The following PTPRD variants were observed in gnomAD, a reference collection of about 807,000 sequenced individuals.
PTPRD encodes protein tyrosine phosphatase receptor type D, also known as receptor-type tyrosine-protein phosphatase delta.
Under a neutral mutation model 214.5 loss-of-function variants are expected in PTPRD, and 34 were observed. The ratio of observed to expected loss-of-function variants is 0.16; its 90% CI spans 0.12 to 0.21. PTPRD has a LOEUF of 0.21. Among genes scored for constraint, PTPRD ranks in the 10% least tolerant of loss-of-function variants. PTPRD has a pLI of 1.00. For synonymous variants in PTPRD, 1,128 were observed against 845.7 expected (o/e 1.33, Z -5.79); for missense variants, 2,545 against 2,398.7 (o/e 1.06, Z -1.27).
chr9:9,412,594 C>G (rs1294692467), intron 8 of PTPRD, among the ~76,000 whole-genome samples: 1 of 152,078 alleles, frequency 6.6e-6, no homozygotes, highest in Non-Finnish European at 1.5e-5. Context: ...CCAGTCACTA[C>G]GCGAAGGGGT....
intron 9 of PTPRD, among the ~76,000 whole-genome samples, chr9:9,268,627 T>C (rs1270080369): frequency 4.0e-5 from 6 of 150,872 alleles, no homozygotes; most frequent in African/African-American, 1.5e-4. Context: ...TAAAAACCTA[T>C]AGCAATCAAA....
chr9:8,913,217 G>A (rs147157387), intron 11 of PTPRD, among the ~76,000 whole-genome samples: 123 of 152,086 alleles, frequency 8.1e-4, no homozygotes, highest in Admixed American at 2.6e-3. Flanking sequence ...AATTGGCAAT[G>A]GGATAAAAAA....
intron 10 of PTPRD, among the ~76,000 whole-genome samples, chr9:9,130,637 T>A (rs916864115): frequency 4.6e-5 from 7 of 152,218 alleles, no homozygotes. Context: ...GTGAGGGGAA[T>A]CATTTTAAAG....
At chr9:9,770,157 A>T (rs981581903) in intron 5 of PTPRD, among the ~76,000 whole-genome samples, 1 of 152,194 alleles carries the variant, frequency 6.6e-6, no homozygotes, top group African/African-American at 2.4e-5. Context: ...TGGTACTTCT[A>T]GTTCTAGATC....
At chr9:9,992,882 T>C (rs1237157110) in intron 4 of PTPRD, among the ~76,000 whole-genome samples, 3 of 151,960 alleles carry the variant, frequency 2.0e-5, no homozygotes, top group Admixed American at 6.6e-5. Context: ...CACACCAACA[T>C]GGCACATGTA....
At chr9:8,911,113 A>AATT (rs2098744000) in intron 11 of PTPRD, among the ~76,000 whole-genome samples, 1 of 152,206 alleles carries the variant, frequency 6.6e-6, no homozygotes, top group South Asian at 2.1e-4. Flanking sequence ...GTTTTTGTAC[A>AATT]ATTTTAAAAT....
At chr9:10,031,715 G>T (rs1051431709) in intron 4 of PTPRD, among the ~76,000 whole-genome samples, 1 of 145,646 alleles carries the variant, frequency 6.9e-6, no homozygotes, top group African/African-American at 2.6e-5. Context: ...CTACAAATAC[G>T]TCTTTAAGGA....
At chr9:9,806,425 T>C (rs1192597859) in intron 5 of PTPRD, among the ~76,000 whole-genome samples, 1 of 152,160 alleles carries the variant, frequency 6.6e-6, no homozygotes, top group East Asian at 1.9e-4. Flanking sequence ...TCCTTGTGAA[T>C]GTATTTTGTA....
chr9:10,323,737 C>T (rs12000959), intron 3 of PTPRD, among the ~76,000 whole-genome samples: 44,653 of 151,690 alleles, frequency 0.29, 8,149 homozygotes, highest in African/African-American at 0.51. Context: ...TGCTGAAAGA[C>T]GATTTATGCA....
chr9:9,612,526 G>T (rs754768373), intron 7 of PTPRD, among the ~76,000 whole-genome samples: 2 of 152,136 alleles, frequency 1.3e-5, no homozygotes, highest in Non-Finnish European at 2.9e-5. Flanking sequence ...CAAAATTAAG[G>T]AAGTGGTTTT....
intron 10 of PTPRD, among the ~76,000 whole-genome samples, chr9:9,145,493 C>A (rs898712556): frequency 4.6e-5 from 7 of 152,066 alleles, no homozygotes; most frequent in African/African-American, 1.7e-4. Flanking sequence ...CTGGTCATCA[C>A]AATGCTTTAA....
At chr9:8,930,872 G>C (rs1378431460) in intron 11 of PTPRD, among the ~76,000 whole-genome samples, 1 of 152,118 alleles carries the variant, frequency 6.6e-6, no homozygotes, top group Non-Finnish European at 1.5e-5. Flanking sequence ...CCCTTTGTCA[G>C]ATGAGTAGAT....
At chr9:9,685,584 A>T (rs759829084) in intron 7 of PTPRD, among the ~76,000 whole-genome samples, 27 of 151,540 alleles carry the variant, frequency 1.8e-4, no homozygotes, top group Non-Finnish European at 3.0e-4. Flanking sequence ...CAACCAAATC[A>T]AAATATTCAG....
At chr9:10,194,765 T>A (rs1010350981) in intron 3 of PTPRD, among the ~76,000 whole-genome samples, 1 of 152,090 alleles carries the variant, frequency 6.6e-6, no homozygotes, top group Non-Finnish European at 1.5e-5. Flanking sequence ...ATTTTTCTAG[T>A]TCCATTGATT....
chr9:9,108,121 A>G (rs774171033), intron 10 of PTPRD, among the ~76,000 whole-genome samples: 8 of 152,112 alleles, frequency 5.3e-5, no homozygotes, highest in Non-Finnish European at 1.2e-4. Flanking sequence ...ACGGAATACT[A>G]TTTCCAAGCC....
At chr9:9,003,178 C>T (rs1316485715) in intron 11 of PTPRD, among the ~76,000 whole-genome samples, 3 of 151,924 alleles carry the variant, frequency 2.0e-5, no homozygotes, top group Non-Finnish European at 4.4e-5. Flanking sequence ...GGACTTTGTC[C>T]CAGTACTTTC....
intron 2 of PTPRD, among the ~76,000 whole-genome samples, chr9:10,418,467 A>T (rs1415384480): frequency 6.7e-6 from 1 of 149,488 alleles, no homozygotes; most frequent in Non-Finnish European, 1.5e-5. Flanking sequence ...ACACACACAC[A>T]CACACACACA....
chr9:9,981,418 G>T (rs1418147236), intron 4 of PTPRD, among the ~76,000 whole-genome samples: 2 of 149,404 alleles, frequency 1.3e-5, no homozygotes, highest in African/African-American at 5.0e-5. Flanking sequence ...GCAGTGGCAC[G>T]ATCTCGGCTC....
At chr9:9,499,443 A>G (rs990769696) in intron 8 of PTPRD, among the ~76,000 whole-genome samples, 1 of 152,102 alleles carries the variant, frequency 6.6e-6, no homozygotes, top group East Asian at 1.9e-4. Context: ...TAGTTCATCA[A>G]ATGGAAATCT....
Sources: allele counts gnomAD v4.1 joint callset (sites outside exome capture counted in the v4.1 genomes callset), GRCh38; gene constraint gnomAD v4.1.1; transcripts MANE v1.5; gene names NCBI Gene and HGNC (gene_info 2026-07-23, HGNC 2026-07-21).